ARMC8: variants seen among roughly 807,000 people sequenced by gnomAD.
The protein encoded by ARMC8 is armadillo repeat-containing protein 8.
A neutral mutation model predicts 99.3 loss-of-function variants in ARMC8; 20 were observed. That is an observed-to-expected ratio of 0.20 (90% CI 0.14 to 0.29). The LOEUF (loss-of-function observed/expected upper bound fraction) is 0.29. Among genes scored for constraint, ARMC8 ranks in the 10% least tolerant of loss-of-function variants. The pLI is 1.00. For missense variants in ARMC8, 569 were observed against 809.5 expected (o/e 0.70, Z 3.60); for synonymous variants, 263 against 278.3 (o/e 0.95, Z 0.55).
intron 11 of ARMC8, among the ~76,000 whole-genome samples, chr3:138,244,702 G>C (rs1304082785): frequency 6.6e-6 from 1 of 152,244 alleles, no homozygotes; most frequent in Non-Finnish European, 1.5e-5. Flanking sequence ...TCTGGGGCTA[G>C]AGAAGTCCAG....
intron 12 of ARMC8, among the ~76,000 whole-genome samples, chr3:138,257,378 A>G (rs2047460481): frequency 1.3e-5 from 2 of 152,204 alleles, no homozygotes; most frequent in African/African-American, 4.8e-5. Flanking sequence ...CATGATGTAT[A>G]TGGCATCATG....
chr3:138,245,058 A>T, intron 11 of ARMC8, 30 bp from the exon 12 acceptor site: 1 of 1,611,736 alleles, frequency 6.2e-7, no homozygotes. Flanking sequence ...TTATGGACTG[A>T]GTTGGAACAT....
chr3:138,227,230 C>T (rs191914096), intron 5 of ARMC8, among the ~76,000 whole-genome samples: 266 of 152,214 alleles, frequency 1.7e-3, no homozygotes, highest in Non-Finnish European at 2.8e-3. Flanking sequence ...ACACAATTGA[C>T]AGAAAGGTGC....
intron 18 of ARMC8, among the ~76,000 whole-genome samples, chr3:138,284,111 A>C (rs1214281489): frequency 5.3e-5 from 8 of 152,232 alleles, no homozygotes. Context: ...TGAGATTTTC[A>C]AGAAAAATAA....
In ARMC8 at chr3:138,208,098, T is replaced by TG. The variant is rs530340284; in HGVS notation, c.46-1719_46-1718insG. On this transcript the variant is annotated intron_variant, in intron 1 of 21. Coordinates refer to ENST00000469044, the MANE Select transcript of ARMC8 (RefSeq NM_001363941.2). ...CAAGACGGCATCTCTGTTTTTTTTT[T>TG]TTTGTTGTTGTTGTTGTTTTAAAGG... Among the ~76,000 whole-genome samples the TG allele has an allele frequency of 4.6e-3, 690 of 151,186 alleles. 11 individuals are homozygous for TG. Among genetic ancestry groups the TG allele is most frequent in the African/African-American group, 0.016 (644 of 40,954 alleles).
intron 20 of ARMC8, among the ~76,000 whole-genome samples, chr3:138,289,474 G>A (rs2050740726): frequency 1.3e-5 from 2 of 152,338 alleles, no homozygotes; most frequent in South Asian, 4.1e-4. Flanking sequence ...TTTGAGCAGA[G>A]GAAGCACATA....
chr3:138,203,766 A>G (rs2044209244), intron 1 of ARMC8, among the ~76,000 whole-genome samples: 1 of 152,244 alleles, frequency 6.6e-6, no homozygotes, highest in South Asian at 2.1e-4. Context: ...AACTGCTTCC[A>G]CATAATACTT....
At chr3:138,290,858 G>A (rs1443304859) in intron 21 of ARMC8, among the ~76,000 whole-genome samples, 1 of 152,214 alleles carries the variant, frequency 6.6e-6, no homozygotes, top group Non-Finnish European at 1.5e-5. Flanking sequence ...GAATTCACGT[G>A]AGTCTGGGCC....
At chr3:138,229,078 T>G in intron 6 of ARMC8, 68 bp downstream of exon 6, 1 of 1,049,738 alleles carries the variant, frequency 9.5e-7, no homozygotes, top group Non-Finnish European at 1.4e-6. Context: ...TGTACCTTCT[T>G]TGTGTACCCT....
At chr3:138,245,366 G>T in intron 12 of ARMC8, 183 bp downstream of exon 12, 1 of 1,455,124 alleles carries the variant, frequency 6.9e-7, no homozygotes, top group South Asian at 1.5e-5. Context: ...TTTGTTTTTA[G>T]AACATAGAGT....
At position 138,256,402 on chromosome 3, in the gene ARMC8, CTTTTTTTTTT is replaced by C. The variant is rs71146121; in HGVS notation, c.1135-7321_1135-7312del. On this transcript the variant is annotated intron_variant, in intron 12 of 21. Transcript: ENST00000469044. ...TAAAGTATATCTTTTTTTCCTCCTT[CTTTTTTTTTT>C]TTTTTTTTTTTTTTTGAGACGGAGT... is the stretch of plus-strand genomic sequence containing the variant. Among the ~76,000 whole-genome samples, 15 of 90,276 alleles carry C rather than the reference CTTTTTTTTTT, an allele frequency of 1.7e-4. No homozygotes were observed. In the East Asian group the frequency reaches 2.0e-3, roughly 12 times the overall value. The allele number at this position is 90,276 out of a possible 152,430, so 59.2% of individuals were successfully genotyped here.
intron 12 of ARMC8, among the ~76,000 whole-genome samples, chr3:138,257,424 A>G (rs151251411): frequency 6.6e-4 from 101 of 152,248 alleles, no homozygotes; most frequent in African/African-American, 2.3e-3. Context: ...ATAAAATCAC[A>G]TGGTCACTTC....
chr3:138,254,329 TTATC>T (rs1163097204), intron 12 of ARMC8, among the ~76,000 whole-genome samples: 1 of 152,194 alleles, frequency 6.6e-6, no homozygotes, highest in Non-Finnish European at 1.5e-5. Flanking sequence ...GTGTTATACT[TTATC>T]TATTGAGTAA....
chr3:138,262,405 C>A, intron 12 of ARMC8: 1 of 1,025,604 alleles, frequency 9.8e-7, no homozygotes, highest in South Asian at 1.8e-5. Flanking sequence ...ATGTGGTTCC[C>A]TGTTCTTAAT....
chr3:138,255,014 C>T (rs866024673), intron 12 of ARMC8, among the ~76,000 whole-genome samples: 2 of 151,956 alleles, frequency 1.3e-5, no homozygotes, highest in Admixed American at 1.3e-4. Flanking sequence ...AGCTCCCAGG[C>T]AGGCAGGCAG....
chr3:138,281,629 G>T (rs1415907212), intron 18 of ARMC8, among the ~76,000 whole-genome samples: 1 of 151,996 alleles, frequency 6.6e-6, no homozygotes, highest in Admixed American at 6.6e-5. Flanking sequence ...GTCTCCATAG[G>T]AATATTTACA....
intron 12 of ARMC8, 35 bp downstream of exon 12, chr3:138,245,218 C>G: frequency 6.2e-7 from 1 of 1,614,194 alleles, no homozygotes; most frequent in Non-Finnish European, 8.5e-7. Context: ...CCAGTCCTGA[C>G]AGCCAGCAGG....
At chr3:138,215,978 A>G (rs2045011126) in intron 2 of ARMC8, among the ~76,000 whole-genome samples, 1 of 151,126 alleles carries the variant, frequency 6.6e-6, no homozygotes, top group Admixed American at 6.6e-5. Context: ...CTCCTGCCTC[A>G]GCCTCCCGAG....
At chr3:138,224,019 C>T (rs372846119) in intron 5 of ARMC8, among the ~76,000 whole-genome samples, 61 of 145,102 alleles carry the variant, frequency 4.2e-4, no homozygotes, top group East Asian at 1.8e-3. Flanking sequence ...AGTGCAGTGG[C>T]GCGATCTCGG....
Sources: allele counts gnomAD v4.1 joint callset (sites outside exome capture counted in the v4.1 genomes callset), GRCh38; gene constraint gnomAD v4.1.1; transcripts MANE v1.5; gene names NCBI Gene and HGNC (gene_info 2026-07-23, HGNC 2026-07-21).